ING5: variants seen among roughly 807,000 people sequenced by gnomAD.
The protein encoded by ING5 is inhibitor of growth protein 5.
A neutral mutation model predicts 37.4 loss-of-function variants in ING5; 17 were observed. The observed-to-expected ratio is 0.45, with a 90% CI of 0.31 to 0.68. The LOEUF (loss-of-function observed/expected upper bound fraction) is 0.68. ING5 is among the 30% of genes least tolerant of loss of function. ING5 has a pLI of 0.05. For missense variants in ING5, 233 were observed against 311.9 expected, an observed-to-expected ratio of 0.75 and a Z score of 1.91; for synonymous variants, 123 against 116.6, an observed-to-expected ratio of 1.06 and a Z score of -0.36.
At chr2:241,691,540 G>A (rs922053492) in intron 2 of ING5, among the ~76,000 whole-genome samples, 2 of 106,360 alleles carry the variant, frequency 1.9e-5, no homozygotes, top group African/African-American at 6.2e-5. Context: ...AGGGAATAAA[G>A]TCTCTCACCG....
At chr2:241,724,011 A>G (rs1691501670) in intron 7 of ING5, 3 of 1,343,800 alleles carry the variant, frequency 2.2e-6, no homozygotes, top group African/African-American at 3.0e-5. Flanking sequence ...CCCTGTCTCA[A>G]ATAAATAAAT....
Position 241,709,332 on chromosome 2 carries a change from A to G in ING5, c.226A>G (p.Lys76Glu), listed in dbSNP as rs2070030821. ...GATCCAGAACGCCTACAGCAAGTGC[A>G]AGGAATACAGTGACGACAAAGTGCA... ...QKIQNAYSKC[K>E]EYSDDKVQLA... The change falls in exon 3 of 8, where the codon AAG (lysine) becomes GAG (glutamate). Residue 76 changes from lysine (K) to glutamate (E), a missense_variant. Transcript: ENST00000313552. 1.2e-6 allele frequency: 2 copies of G among 1,614,006 alleles called. No individual in the cohort carries two copies.
At chr2:241,696,108 C>G (rs1376905560) in intron 2 of ING5, among the ~76,000 whole-genome samples, 3 of 152,020 alleles carry the variant, frequency 2.0e-5, no homozygotes, top group Non-Finnish European at 2.9e-5. Flanking sequence ...AAAAACAAAA[C>G]AGGCTGGGCT....
At chr2:241,701,896 C>CCCCGCAGCCCGCAG (rs564717621), upstream of ING5, 6 of 347,650 alleles carry the variant, frequency 1.7e-5, no homozygotes, top group Admixed American at 4.9e-5. Flanking sequence ...TCCGCCCGGG[C>CCCCGCAGCCCGCAG]CCCGCAGCCC....
chr2:241,695,391 A>G (rs2124855230), intron 2 of ING5, among the ~76,000 whole-genome samples: 1 of 152,244 alleles, frequency 6.6e-6, no homozygotes, highest in Admixed American at 6.5e-5. Context: ...GCTGTCACAT[A>G]TAACAAAATA....
At position 241,709,322 on chromosome 2, in the gene ING5, C is replaced by T. The variant is rs1270961317; in HGVS notation, c.216C>T (p.Tyr72=). 1.2e-6 allele frequency: 2 copies of T among 1,614,056 alleles called. No homozygotes were observed. The highest frequency in any genetic ancestry group is 3.3e-5 in the Admixed American group (2 of 59,994). Residue 72 remains tyrosine, a synonymous_variant, in exon 3 of 8, where the codon TAC becomes TAT. Coordinates refer to ENST00000313552, the MANE Select transcript of ING5 (RefSeq NM_032329.6). ...VERLQKIQNA[Y]SKCKEYSDDK... ...GCCTGCAGAAGATCCAGAACGCCTA[C>T]AGCAAGTGCAAGGAATACAGTGACG...
At chr2:241,695,666 A>G (rs748216417) in intron 2 of ING5, among the ~76,000 whole-genome samples, 22 of 152,166 alleles carry the variant, frequency 1.4e-4, no homozygotes, top group Admixed American at 1.4e-3. Flanking sequence ...AGCCTGGGTG[A>G]CAGAGCAAGA....
chr2:241,693,351 A>C (rs1023335990), intron 2 of ING5, among the ~76,000 whole-genome samples: 5 of 151,514 alleles, frequency 3.3e-5, no homozygotes, highest in African/African-American at 1.2e-4. Flanking sequence ...TGAGGGACAC[A>C]GTTCAGTCCA....
exon 1 of ING5, chr2:241,687,225 C>T (rs573205676): frequency 2.3e-5 from 9 of 397,218 alleles, no homozygotes; most frequent in South Asian, 2.6e-4. Flanking sequence ...ACTCTCAGGG[C>T]CCTGCGGTGC....
intron 5 of ING5, among the ~76,000 whole-genome samples, chr2:241,715,764 G>A (rs1044343531): frequency 1.3e-5 from 2 of 151,544 alleles, no homozygotes; most frequent in African/African-American, 4.8e-5. Context: ...TGGGATTACA[G>A]GCGTGAGCCA....
intron 5 of ING5, among the ~76,000 whole-genome samples, chr2:241,714,056 A>C (rs192357418): frequency 4.9e-4 from 74 of 152,196 alleles, no homozygotes; most frequent in Admixed American, 1.2e-3. Flanking sequence ...AAAACCGCAC[A>C]GAACAAACAT....
chr2:241,719,961 C>T, intron 5 of ING5: 1 of 1,276,452 alleles, frequency 7.8e-7, no homozygotes, highest in Non-Finnish European at 9.9e-7. Context: ...TCTCTTTCTT[C>T]TCTGTGCCCC....
chr2:241,723,977 T>G, intron 7 of ING5: 1 of 1,308,494 alleles, frequency 7.6e-7, no homozygotes, highest in East Asian at 2.5e-5. Context: ...GCCACTGCAC[T>G]CCAGCCTGGG....
intron 5 of ING5, among the ~76,000 whole-genome samples, chr2:241,712,642 C>T (rs2070145862): frequency 1.3e-5 from 2 of 152,192 alleles, no homozygotes; most frequent in African/African-American, 4.8e-5. Flanking sequence ...GAGATCGTAG[C>T]ATTACCTCAG....
In ING5 at chr2:241,725,755, C is replaced by T. The variant is rs1575143863; in HGVS notation, c.*724C>T. The T allele has an allele frequency of 6.6e-6, 1 of 152,666 alleles. No homozygotes were observed. Among genetic ancestry groups the T allele is most frequent in the Non-Finnish European group, 1.5e-5 (1 of 68,046 alleles). 9.5% of individuals were successfully genotyped at this position (152,666 alleles called of 1,614,324 possible). ...ACCCTGTGCGACAGCTGGGCTGATG[C>T]TCCGTTTCTCTGGGAATTGGTGATT... is the stretch of plus-strand genomic sequence containing the variant. On this transcript the variant is annotated 3_prime_UTR_variant, in exon 8 of 8. Transcript: ENST00000313552.
intron 2 of ING5, 72 bp from the exon 3 acceptor site, chr2:241,709,144 A>T: frequency 6.7e-7 from 1 of 1,489,396 alleles, no homozygotes; most frequent in Non-Finnish European, 9.1e-7. Flanking sequence ...GGCTGACTTT[A>T]GTTGTTGCCA....
intron 2 of ING5, among the ~76,000 whole-genome samples, chr2:241,706,625 CAAAAAAAAAA>C (rs770869002): frequency 1.8e-5 from 2 of 109,332 alleles, no homozygotes; most frequent in Non-Finnish European, 3.7e-5. Flanking sequence ...AACTCCATCT[CAAAAAAAAAA>C]AAAAAAAAGA....
chr2:241,723,812 G>A (rs1422462672), intron 7 of ING5: 14 of 1,596,242 alleles, frequency 8.8e-6, no homozygotes, highest in Non-Finnish European at 1.1e-5. Context: ...ATAAAAACCT[G>A]TAGTCTGGGC....
rs1248339513 is a variant in ING5 at position 241,726,834 on chromosome 2, A to AC, written c.*1806dup. The AC allele has an allele frequency of 1.3e-5, 2 of 152,018 alleles. No homozygotes were observed. The highest frequency in any genetic ancestry group is 2.9e-5 in the Non-Finnish European group (2 of 68,106). 9.4% of individuals were successfully genotyped at this position (152,018 alleles called of 1,614,324 possible). ...TTTTGAGACGGAGTCTTGCTCTGTCACCCAGGCTGGAGAGCAGTGGCGTGA... is the reference window on the plus strand; with the variant it reads ...TTTTGAGACGGAGTCTTGCTCTGTCACCCCAGGCTGGAGAGCAGTGGCGTGA... On this transcript the variant is annotated 3_prime_UTR_variant, in exon 8 of 8. Transcript: ENST00000313552.
Sources: allele counts gnomAD v4.1 joint callset (sites outside exome capture counted in the v4.1 genomes callset), GRCh38; gene constraint gnomAD v4.1.1; transcripts MANE v1.5; gene names NCBI Gene and HGNC (gene_info 2026-07-23, HGNC 2026-07-21).